The following PZP variants were observed in gnomAD, a reference collection of about 807,000 sequenced individuals.
PZP encodes the protein pregnancy zone protein.
PZP carries 150 observed loss-of-function variants against 179.8 expected under a neutral mutation model. The ratio of observed to expected loss-of-function variants is 0.83; its 90% CI spans 0.73 to 0.96. The LOEUF is 0.96. PZP is among the 40% of genes least tolerant of loss of function. The pLI, the probability that PZP is intolerant of heterozygous loss-of-function variation, is 0.00. For missense variants in PZP, 1,689 were observed against 1,764.0 expected (o/e 0.96, Z 0.76); for synonymous variants, 624 against 652.3 (o/e 0.96, Z 0.66).
At chr12:9,193,965 G>T in intron 11 of PZP, 112 bp downstream of exon 11, 1 of 1,075,790 alleles carries the variant, frequency 9.3e-7, no homozygotes, top group Non-Finnish European at 1.3e-6. Flanking sequence ...TAAACTCAAA[G>T]TTAGATATCT....
intron 25 of PZP, 118 bp from the exon 26 acceptor site, chr12:9,158,694 C>T (rs1940941696): frequency 4.2e-6 from 4 of 963,498 alleles, no homozygotes; most frequent in Non-Finnish European, 4.3e-6. Flanking sequence ...TCAGCTGTTA[C>T]TGAGAGTTTG....
At chr12:9,158,943 T>G (rs1940973035) in intron 25 of PZP, among the ~76,000 whole-genome samples, 1 of 152,164 alleles carries the variant, frequency 6.6e-6, no homozygotes, top group African/African-American at 2.4e-5. Context: ...ATTTCTTAGC[T>G]TACTTTCTGT....
At chr12:9,190,897 G>T (rs1943421069) in intron 13 of PZP, among the ~76,000 whole-genome samples, 1 of 152,148 alleles carries the variant, frequency 6.6e-6, no homozygotes, top group African/African-American at 2.4e-5. Context: ...TAGACAAATT[G>T]TGAATAAAAT....
In PZP at chr12:9,151,619, GA is replaced by G. The variant is rs1245219975; in HGVS notation, c.4265del (p.Leu1422ProfsTer7). The G allele has an allele frequency of 1.2e-5, 19 of 1,613,692 alleles. No homozygotes were observed. The highest frequency in any genetic ancestry group is 1.3e-5 in the Non-Finnish European group (15 of 1,179,820). ...SRTEVSNNHV[L>X]IYVEQVTNQT... ...GAGCCCTCACCTGTTCCACATAAAT[GA>G]GGACATGGTTGTTGCTCACTTCTGT... On this transcript the variant is annotated frameshift_variant, in exon 33 of 36. Coordinates refer to ENST00000261336, the MANE Select transcript of PZP (RefSeq NM_002864.3). LOFTEE classifies it high-confidence loss of function.
rs1369115596 is a variant in PZP, at chr12:9,181,976, T to G, written c.1688A>C (p.Lys563Thr). The G allele has an allele frequency of 1.9e-6, 3 of 1,613,270 alleles. No homozygotes were observed. In the African/African-American group the frequency reaches 4.0e-5, roughly 22 times the overall value. ...TTAATTTTATGTTAAATCGCTCACC[T>G]TGTTGGCTAGACAGTTTTCAATCTC... ...KFEIENCLAN[K>T]VDLSFSPAQS... The change falls in exon 14 of 36, where the codon AAG (lysine) becomes ACG (threonine). Residue 563 changes from lysine (K) to threonine (T), a missense_variant and splice_region_variant. Lys to Thr is a moderately conservative substitution (Grantham distance 78). This residue lies in a region of PZP where 742 missense variants were observed against 730.5 expected (regional missense o/e 1.02). Coordinates refer to ENST00000261336, the MANE Select transcript of PZP (RefSeq NM_002864.3).
chr12:9,188,756 A>G (rs1943277410), intron 13 of PZP, among the ~76,000 whole-genome samples: 1 of 152,218 alleles, frequency 6.6e-6, no homozygotes, highest in Non-Finnish European at 1.5e-5. Context: ...CAAATCAGGA[A>G]TGCAAGCAAT....
At chr12:9,139,898 T>C in the PZP span, among the ~76,000 whole-genome samples, 5 of 152,088 alleles carry the variant, frequency 3.3e-5, no homozygotes, top group Non-Finnish European at 7.4e-5. Context: ...TATTTAAGGG[T>C]TTTAGGGTAA....
rs768576010 is a variant in PZP at position 9,203,822 on chromosome 12, G to T, written c.213C>A (p.Ser71Arg). Residue 71 changes from serine to arginine, a missense_variant, in exon 2 of 36, where the codon AGC becomes AGA. Physicochemically the swap from Ser to Arg is moderately radical, Grantham distance 110. Around this residue, in one of 3 missense-constraint regions of PZP, gnomAD observed 742 missense variants for 730.5 expected, o/e 1.02. Transcript: ENST00000261336. ...TCTCCGCCACCAGGTCAGTGAAGAG[G>T]CTCCTGTTTTCCCTGCCAGACTCCA... ...ASLESGRENR[S>R]LFTDLVAEKD... 3 of 1,614,104 alleles carry T rather than the reference G, an allele frequency of 1.9e-6. No homozygotes were observed. Among genetic ancestry groups the T allele is most frequent in the Non-Finnish European group, 2.5e-6 (3 of 1,180,000 alleles).
At chr12:9,186,826 G>C (rs890049972) in intron 13 of PZP, among the ~76,000 whole-genome samples, 3 of 105,466 alleles carry the variant, frequency 2.8e-5, no homozygotes, top group African/African-American at 3.8e-5. Context: ...ACAGGGAGGG[G>C]AACATCACAC....
Position 9,194,068 on chromosome 12 carries a change from T to C in PZP, c.1254+9A>G, listed in dbSNP as rs2121122952. On this transcript the variant is annotated intron_variant, in intron 11 of 35. Coordinates refer to ENST00000261336, the MANE Select transcript of PZP (RefSeq NM_002864.3). Reference sequence around the variant, plus strand: ...CTTTGTCCTCAGAGATTTGTCTTTCTATACTTACCCGGACAAAAAGTTTAT... The same window carrying C: ...CTTTGTCCTCAGAGATTTGTCTTTCCATACTTACCCGGACAAAAAGTTTAT... 1 of 1,610,044 alleles carries C rather than the reference T, an allele frequency of 6.2e-7. No individual in the cohort carries two copies. The highest frequency in any genetic ancestry group is 8.5e-7 in the Non-Finnish European group (1 of 1,176,836).
At chr12:9,193,661 T>C (rs910435484) in intron 11 of PZP, among the ~76,000 whole-genome samples, 5 of 152,190 alleles carry the variant, frequency 3.3e-5, no homozygotes, top group African/African-American at 1.2e-4. Context: ...ATAACAAGCA[T>C]GAAAACTTTT....
intron 13 of PZP, among the ~76,000 whole-genome samples, chr12:9,190,991 G>A (rs1943428880): frequency 1.3e-5 from 2 of 152,096 alleles, no homozygotes; most frequent in African/African-American, 4.8e-5. Context: ...ATTAAAATAT[G>A]TGGTTAAAAT....
intron 11 of PZP, 78 bp from the exon 12 acceptor site, chr12:9,192,817 C>A (rs1039504704): frequency 2.8e-4 from 267 of 964,674 alleles, no homozygotes; most frequent in Non-Finnish European, 5.1e-5. Context: ...TGAATAGTTA[C>A]AACGGTGTCT....
chr12:9,172,180 C>T (rs536655163), intron 15 of PZP, among the ~76,000 whole-genome samples: 1 of 152,096 alleles, frequency 6.6e-6, no homozygotes, highest in Non-Finnish European at 1.5e-5. Flanking sequence ...AAATTGGGGG[C>T]CAATATTCAA....
In PZP at chr12:9,203,823, C is replaced by T. The variant is rs374315168; in HGVS notation, c.212G>A (p.Ser71Asn). ...ASLESGRENR[S>N]LFTDLVAEKD... Reference sequence around the variant, plus strand: ...CTCCGCCACCAGGTCAGTGAAGAGGCTCCTGTTTTCCCTGCCAGACTCCAA... The same window carrying T: ...CTCCGCCACCAGGTCAGTGAAGAGGTTCCTGTTTTCCCTGCCAGACTCCAA... The change falls in exon 2 of 36, where the codon AGC becomes AAC. Residue 71 changes from serine (S) to asparagine (N), a missense_variant. Ser to Asn is a conservative substitution (Grantham distance 46). Transcript: ENST00000261336. 82 of 1,614,016 alleles carry T rather than the reference C, an allele frequency of 5.1e-5. No homozygotes were observed. Among genetic ancestry groups the T allele is most frequent in the East Asian group, 2.5e-4 (11 of 44,868 alleles).
intron 29 of PZP, 59 bp from the exon 30 acceptor site, chr12:9,153,402 C>T (rs1940515105): frequency 6.9e-7 from 1 of 1,438,950 alleles, no homozygotes. Context: ...CTGGGATTTT[C>T]CCCCAAAGTC....
chr12:9,201,857 A>C (rs1241585490), intron 4 of PZP, among the ~76,000 whole-genome samples: 4 of 152,124 alleles, frequency 2.6e-5, no homozygotes, highest in African/African-American at 9.6e-5. Flanking sequence ...GTAAGTTGAA[A>C]AAAGGGAAAT....
At chr12:9,193,180 CTT>C (rs1943554088) in intron 11 of PZP, among the ~76,000 whole-genome samples, 1 of 152,144 alleles carries the variant, frequency 6.6e-6, no homozygotes, top group Admixed American at 6.5e-5. Flanking sequence ...ATTTATGCCT[CTT>C]ATCATTATTG....
rs77793000 is a variant in PZP at position 9,169,702 on chromosome 12, T to C, written c.1840-111A>G. The C allele has an allele frequency of 1.6e-3, 1,650 of 1,037,696 alleles. 19 individuals carry two copies. The African/African-American group carries it at 0.024, about 15-fold the overall frequency. 64.3% of individuals were successfully genotyped at this position (1,037,696 alleles called of 1,614,324 possible). On this transcript the variant is annotated intron_variant, in intron 15 of 35. Coordinates refer to ENST00000261336, the MANE Select transcript of PZP (RefSeq NM_002864.3). The stretch of plus-strand genomic sequence containing the variant: ...ACCAATCTTTTCTTGAGTACGTTCA[T>C]GTAGTTGGTACCTTAGAGATAGTTG...
Sources: gnomAD v4.1 joint callset for allele counts (sites outside exome capture counted in the v4.1 genomes callset) on GRCh38, gnomAD v4.1.1 for gene constraint, gnomAD v4.1.1 regional missense constraint, MANE v1.5 for transcripts, NCBI Gene and HGNC (gene_info 2026-07-23, HGNC 2026-07-21) for gene names.